MAP2K1: variants seen among roughly 807,000 people sequenced by gnomAD.
MAP2K1 encodes the protein dual specificity mitogen-activated protein kinase kinase 1.
In MAP2K1, 16 loss-of-function variants were observed where a neutral mutation model predicts 46.3. That is an observed-to-expected ratio of 0.35 (90% CI 0.23 to 0.52). MAP2K1 has a LOEUF of 0.52. Among genes scored for constraint, MAP2K1 ranks in the 20% least tolerant of loss-of-function variants. MAP2K1 has a pLI of 0.94. For missense variants in MAP2K1, 263 were observed against 497.1 expected, an observed-to-expected ratio of 0.53 and a Z score of 4.48; for synonymous variants, 183 against 185.6, an observed-to-expected ratio of 0.99 and a Z score of 0.11.
At chr15:66,461,597 G>T (rs1258612261) in intron 5 of MAP2K1, among the ~76,000 whole-genome samples, 1 of 152,082 alleles carries the variant, frequency 6.6e-6, no homozygotes, top group South Asian at 2.1e-4. Context: ...AAACTAATTA[G>T]AAACAAACAC....
chr15:66,446,648 T>C (rs1891875868), intron 5 of MAP2K1: 1 of 393,416 alleles, frequency 2.5e-6, no homozygotes, highest in Non-Finnish European at 5.5e-6. Context: ...TAAGCACATC[T>C]CTTGCCCAAA....
intron 1 of MAP2K1, among the ~76,000 whole-genome samples, chr15:66,407,124 G>A (rs1267108320): frequency 6.6e-6 from 1 of 152,146 alleles, no homozygotes; most frequent in Non-Finnish European, 1.5e-5. Context: ...AGGGCTCCGT[G>A]TATTGTTTTG....
At chr15:66,421,005 G>T (rs560664782) in intron 1 of MAP2K1, among the ~76,000 whole-genome samples, 8 of 25,724 alleles carry the variant, frequency 3.1e-4, no homozygotes, top group African/African-American at 8.9e-4. Flanking sequence ...ATATATACAC[G>T]TGCATATATA....
intron 1 of MAP2K1, among the ~76,000 whole-genome samples, chr15:66,418,912 C>T (rs951171004): frequency 6.9e-6 from 1 of 144,222 alleles, no homozygotes; most frequent in East Asian, 2.1e-4. Context: ...TCTCAAAGTG[C>T]TGGGATTAGA....
chr15:66,491,512 T>C lies in MAP2K1; in HGVS notation c.*897T>C, dbSNP rs548081932. 3.6e-4 allele frequency: 71 copies of C among 198,594 alleles called. 1 individual carries two copies. The South Asian group carries it at 5.2e-3, about 14-fold the overall frequency. The allele number at this position is 198,594 out of a possible 1,614,324, so 12.3% of individuals were successfully genotyped here. ...ATCTAATCTCTTATTCTAATAAATATACTATGAAATAAAAAAAAAAGGATG... is the reference window on the plus strand; with the variant it reads ...ATCTAATCTCTTATTCTAATAAATACACTATGAAATAAAAAAAAAAGGATG... On this transcript the variant is annotated 3_prime_UTR_variant, in exon 11 of 11. Transcript: ENST00000307102.
intron 1 of MAP2K1, among the ~76,000 whole-genome samples, chr15:66,427,331 G>A (rs1028042889): frequency 2.0e-5 from 3 of 151,572 alleles, no homozygotes; most frequent in Admixed American, 6.6e-5. Flanking sequence ...AGGCCGAGGC[G>A]GGCAGATCAC....
rs1181795719 is a variant in MAP2K1 at position 66,420,773 on chromosome 15, A to G, written c.81-14254A>G. Among the ~76,000 whole-genome samples, 95 of 35,530 alleles carry G rather than the reference A, an allele frequency of 2.7e-3. 14 individuals are homozygous for G. The highest frequency in any genetic ancestry group is 0.038 in the Middle Eastern group (1 of 26). The allele number at this position is 35,530 out of a possible 152,430, so 23.3% of individuals were successfully genotyped here. ...TGTGTGTGTGTGTATGTGTGTATAT[A>G]TATGTGTATATATATGTGTGTATAT... On this transcript the variant is annotated intron_variant, in intron 1 of 10. Coordinates refer to ENST00000307102, the MANE Select transcript of MAP2K1 (RefSeq NM_002755.4).
At chr15:66,459,169 TG>T (rs1892247813) in intron 5 of MAP2K1, among the ~76,000 whole-genome samples, 1 of 150,750 alleles carries the variant, frequency 6.6e-6, no homozygotes, top group Admixed American at 6.6e-5. Flanking sequence ...AAAAATTAGC[TG>T]GGTGTGGTGG....
At chr15:66,422,200 G>A (rs2093445339) in intron 1 of MAP2K1, among the ~76,000 whole-genome samples, 1 of 152,124 alleles carries the variant, frequency 6.6e-6, no homozygotes, top group African/African-American at 2.4e-5. Flanking sequence ...ATTTATCTAT[G>A]TTTCTTTGCA....
In MAP2K1 at chr15:66,459,633, T is replaced by A. The variant is rs199788638; in HGVS notation, c.568+14926T>A. ...ACACCATCTCAAAAAAAAAAAAAAA[T>A]TTTTTTTGTATCCTTTTCCTGGGGA... On this transcript the variant is annotated intron_variant, in intron 5 of 10. Coordinates refer to ENST00000307102, the MANE Select transcript of MAP2K1 (RefSeq NM_002755.4). Among the ~76,000 whole-genome samples, 533 of 59,866 alleles carry A rather than the reference T, an allele frequency of 8.9e-3. 4 individuals carry two copies. The highest frequency in any genetic ancestry group is 0.024 in the African/African-American group (425 of 17,630). The allele number at this position is 59,866 out of a possible 152,430, so 39.3% of individuals were successfully genotyped here.
intron 1 of MAP2K1, among the ~76,000 whole-genome samples, chr15:66,421,658 G>A (rs965863326): frequency 2.0e-5 from 3 of 151,656 alleles, no homozygotes; most frequent in East Asian, 1.9e-4. Flanking sequence ...ACAAAAATTA[G>A]CCTGGCATAG....
intron 1 of MAP2K1, chr15:66,414,998 C>T (rs907407109): frequency 2.2e-5 from 10 of 452,192 alleles, no homozygotes; most frequent in Middle Eastern, 7.1e-4. Flanking sequence ...CTGAAGAGCA[C>T]GTAGCTTGCC....
chr15:66,477,861 C>T (rs1892793851), intron 5 of MAP2K1, among the ~76,000 whole-genome samples: 1 of 152,132 alleles, frequency 6.6e-6, no homozygotes, highest in Non-Finnish European at 1.5e-5. Flanking sequence ...TTACCCTTCT[C>T]AGTCTCGTTC....
chr15:66,466,691 C>T (rs928800702), intron 5 of MAP2K1, among the ~76,000 whole-genome samples: 6 of 151,944 alleles, frequency 3.9e-5, no homozygotes, highest in African/African-American at 1.2e-4. Flanking sequence ...AAAAAACAAA[C>T]AAATTGTTAA....
rs180867323 is a variant in MAP2K1, at chr15:66,431,587, A to G, written c.81-3440A>G. On this transcript the variant is annotated intron_variant, in intron 1 of 10. Transcript: ENST00000307102. The stretch of plus-strand genomic sequence containing the variant: ...TCTATATTAGTGTAGAAATGTGTCA[A>G]AAATTTCTTGCTTCTTCCATTAGTT... 3.0e-3 allele frequency among the ~76,000 whole-genome samples: 463 copies of G among 152,336 alleles called. 2 individuals are homozygous for G. The highest frequency in any genetic ancestry group is 0.011 in the African/African-American group (447 of 41,582).
At chr15:66,483,588 A>AT (rs1169751227) in intron 6 of MAP2K1, among the ~76,000 whole-genome samples, 5 of 152,172 alleles carry the variant, frequency 3.3e-5, no homozygotes, top group South Asian at 4.1e-4. Flanking sequence ...CAGAATAAAG[A>AT]TTTTTTCGGT....
chr15:66,444,866 G>T, intron 5 of MAP2K1, 159 bp downstream of exon 5: 2 of 665,576 alleles, frequency 3.0e-6, no homozygotes, highest in Non-Finnish European at 5.4e-6. Context: ...GGCTGAGGCA[G>T]CAACTCCTAC....
At chr15:66,420,759 GTATGTGTGTATATATATGTGTATATA>G (rs1176723624) in intron 1 of MAP2K1, among the ~76,000 whole-genome samples, 1 of 40,080 alleles carries the variant, frequency 2.5e-5, no homozygotes, top group African/African-American at 9.6e-5. Context: ...GTGTGTGTGT[GTATGTGTGTATATATATGTGTATATA>G]TATGTGTGTA....
intron 5 of MAP2K1, among the ~76,000 whole-genome samples, chr15:66,462,995 A>G (rs768562947): frequency 8.5e-5 from 13 of 152,210 alleles, no homozygotes; most frequent in Middle Eastern, 3.2e-3. Context: ...TCCAGAGGGC[A>G]GGAGGAAGAC....
Sources: allele counts gnomAD v4.1 joint callset (sites outside exome capture counted in the v4.1 genomes callset), GRCh38; gene constraint gnomAD v4.1.1; transcripts MANE v1.5; gene names NCBI Gene and HGNC (gene_info 2026-07-23, HGNC 2026-07-21).